The following PKHD1 variants were observed in gnomAD, a reference collection of about 807,000 sequenced individuals.
PKHD1 encodes PKHD1 ciliary IPT domain containing fibrocystin/polyductin.
Under a neutral mutation model 412.0 loss-of-function variants are expected in PKHD1, and 291 were observed. The observed-to-expected ratio is 0.71, with a 90% CI of 0.64 to 0.78. The LOEUF (loss-of-function observed/expected upper bound fraction) is 0.78, where lower values mean the gene tolerates loss of function less well. Among genes scored for constraint, PKHD1 ranks in the 30% least tolerant of loss-of-function variants. The pLI is 0.00. For synonymous variants in PKHD1, 1,777 were observed against 1,821.5 expected, an observed-to-expected ratio of 0.98 and a Z score of 0.62; for missense variants, 4,825 against 4,950.7, an observed-to-expected ratio of 0.97 and a Z score of 0.76.
In PKHD1 at chr6:51,627,047, T is replaced by A. The variant is rs1328504106; in HGVS notation, c.11735A>T (p.Lys3912Ile). The A allele has an allele frequency of 6.2e-7, 1 of 1,612,460 alleles. No individual in the cohort carries two copies. The highest frequency in any genetic ancestry group is 8.5e-7 in the Non-Finnish European group (1 of 1,178,726). Residue 3912 changes from lysine (K) to isoleucine (I), a missense_variant, in exon 66 of 67, where the codon AAA (lysine) becomes ATA (isoleucine). Physicochemically the swap from Lys to Ile is moderately radical, Grantham distance 102. Transcript: ENST00000371117. ...TTTGGGCCCTTGTGATTCTCGGCGT[T>A]TGGATGAGATGTGGATATGAATATT... ...NQNIHIHISS[K>I]RRESQGPKKE...
chr6:51,818,764 G>T (rs916009826), intron 52 of PKHD1, among the ~76,000 whole-genome samples: 5 of 152,142 alleles, frequency 3.3e-5, no homozygotes, highest in Admixed American at 1.3e-4. Context: ...AGAAATAAAA[G>T]AAGAATCCTT....
At chr6:51,891,748 C>T (rs569643754) in intron 43 of PKHD1, among the ~76,000 whole-genome samples, 156 of 151,086 alleles carry the variant, frequency 1.0e-3, no homozygotes, top group African/African-American at 3.7e-3. Flanking sequence ...CACACACACA[C>T]ATTCAGCCAA....
intron 55 of PKHD1, among the ~76,000 whole-genome samples, chr6:51,764,291 C>G (rs569313510): frequency 2.9e-4 from 44 of 149,670 alleles, no homozygotes; most frequent in Admixed American, 2.1e-3. Flanking sequence ...GACATTTATG[C>G]AGCCAAAAAA....
At position 51,868,074 on chromosome 6, in the gene PKHD1, T is replaced by TA; in HGVS notation, c.7521dup (p.Thr2508TyrfsTer76). 6.2e-7 allele frequency: 1 copy of TA among 1,611,740 alleles called. No homozygotes were observed. Among genetic ancestry groups the TA allele is most frequent in the East Asian group, 2.2e-5 (1 of 44,854 alleles). ...AATGCCACTAAGTTTGAAGAGTTTGTAAACTTCAACTGGCTGGTCTTCACA... is the reference window on the plus strand; with the variant it reads ...AATGCCACTAAGTTTGAAGAGTTTGTAAAACTTCAACTGGCTGGTCTTCACA... On this transcript the variant is annotated frameshift_variant, in exon 48 of 67. Coordinates refer to ENST00000371117, the MANE Select transcript of PKHD1 (RefSeq NM_138694.4). LOFTEE classifies it high-confidence loss of function.
intron 60 of PKHD1, among the ~76,000 whole-genome samples, chr6:51,729,923 T>C (rs944350979): frequency 1.3e-5 from 2 of 152,184 alleles, no homozygotes; most frequent in Non-Finnish European, 2.9e-5. Flanking sequence ...TTGCTTACAA[T>C]TGCACATCTG....
At chr6:51,988,844 C>T (rs1329259956) in intron 35 of PKHD1, among the ~76,000 whole-genome samples, 1 of 152,200 alleles carries the variant, frequency 6.6e-6, no homozygotes, top group Non-Finnish European at 1.5e-5. Context: ...TCAAGACTCA[C>T]AGCTTTTCCA....
intron 34 of PKHD1, among the ~76,000 whole-genome samples, chr6:52,015,685 G>A (rs947876031): frequency 7.9e-5 from 12 of 152,074 alleles, no homozygotes; most frequent in African/African-American, 1.7e-4. Flanking sequence ...TTAGCCGGGC[G>A]TGGTGGTGAG....
Position 51,632,743 on chromosome 6 carries a change from A to G in PKHD1, c.11507-20T>C, listed in dbSNP as rs757251939. The G allele has an allele frequency of 1.3e-6, 2 of 1,599,240 alleles. No homozygotes were observed. Among genetic ancestry groups the G allele is most frequent in the East Asian group, 2.2e-5 (1 of 44,730 alleles). On this transcript the variant is annotated intron_variant, in intron 64 of 66. Coordinates refer to ENST00000371117, the MANE Select transcript of PKHD1 (RefSeq NM_138694.4). ...TGACTCCTGTGGCGGGGAAAAGAAG[A>G]TGTTTCAATGATATGTTAATAAGAT...
chr6:51,882,168 A>C (rs951844150), intron 46 of PKHD1, among the ~76,000 whole-genome samples: 13 of 152,174 alleles, frequency 8.5e-5, no homozygotes, highest in Non-Finnish European at 1.6e-4. Flanking sequence ...AGCATCACAG[A>C]ATCTAAATCT....
intron 53 of PKHD1, among the ~76,000 whole-genome samples, chr6:51,779,502 G>T (rs1473113622): frequency 6.6e-6 from 1 of 152,082 alleles, no homozygotes; most frequent in Non-Finnish European, 1.5e-5. Context: ...CCTTCTCTCA[G>T]TGAGCGCAAG....
intron 60 of PKHD1, among the ~76,000 whole-genome samples, chr6:51,728,446 C>T (rs73442849): frequency 0.018 from 2,764 of 152,250 alleles, 75 homozygotes; most frequent in African/African-American, 0.063. Context: ...CTACTCTTCC[C>T]CTGCTAGCAT....
intron 14 of PKHD1, among the ~76,000 whole-genome samples, chr6:52,061,430 A>G (rs906056310): frequency 2.0e-5 from 3 of 152,068 alleles, no homozygotes; most frequent in African/African-American, 7.2e-5. Flanking sequence ...CAGCCTCCCA[A>G]GTAGATGGGA....
chr6:52,087,094 A>G (rs1483339777), intron 1 of PKHD1, among the ~76,000 whole-genome samples: 1 of 152,232 alleles, frequency 6.6e-6, no homozygotes, highest in African/African-American at 2.4e-5. Flanking sequence ...CATGTCAATT[A>G]TAAATGTAAT....
At chr6:51,786,885 T>C (rs746861160) in intron 53 of PKHD1, among the ~76,000 whole-genome samples, 24 of 152,216 alleles carry the variant, frequency 1.6e-4, no homozygotes, top group Non-Finnish European at 2.6e-4. Context: ...TTATCTTAAC[T>C]GTTTTATCAG....
intron 60 of PKHD1, among the ~76,000 whole-genome samples, chr6:51,729,678 A>C (rs939924809): frequency 1.3e-5 from 2 of 152,204 alleles, no homozygotes; most frequent in African/African-American, 4.8e-5. Context: ...ACGAAGTTTG[A>C]GAACTCTTTC....
chr6:51,896,146 C>T (rs1355946442), intron 43 of PKHD1, among the ~76,000 whole-genome samples: 5 of 152,298 alleles, frequency 3.3e-5, no homozygotes, highest in East Asian at 3.9e-4. Flanking sequence ...CCCGGAAGCT[C>T]GAACTGGGTG....
chr6:51,720,513 C>T (rs1439074143), intron 60 of PKHD1, among the ~76,000 whole-genome samples: 1 of 152,064 alleles, frequency 6.6e-6, no homozygotes, highest in Admixed American at 6.6e-5. Flanking sequence ...AAGTGGAAAG[C>T]GTTTCCCTCC....
intron 60 of PKHD1, among the ~76,000 whole-genome samples, chr6:51,708,565 T>C (rs1245561431): frequency 6.6e-6 from 1 of 152,242 alleles, no homozygotes; most frequent in East Asian, 1.9e-4. Flanking sequence ...TGAGATTTCA[T>C]GTTCCAATAT....
Position 52,064,330 on chromosome 6 carries a change from C to T in PKHD1, c.976+625G>A, listed in dbSNP as rs142981055. Among the ~76,000 whole-genome samples, 372 of 152,286 alleles carry T rather than the reference C, an allele frequency of 2.4e-3. No individual in the cohort carries two copies. In the Middle Eastern group the frequency reaches 0.037, roughly 15 times the overall value. ...TTCTAATGCTCAGCAGAAAAGTGCT[C>T]CAGTATTGTGCTCTTAATTTGCTGC... is the stretch of plus-strand genomic sequence containing the variant. On this transcript the variant is annotated intron_variant, in intron 13 of 66. Coordinates refer to ENST00000371117, the MANE Select transcript of PKHD1 (RefSeq NM_138694.4).
Sources: gnomAD v4.1 joint callset for allele counts (sites outside exome capture counted in the v4.1 genomes callset) on GRCh38, gnomAD v4.1.1 for gene constraint, MANE v1.5 for transcripts, NCBI Gene and HGNC (gene_info 2026-07-23, HGNC 2026-07-21) for gene names.